The following PRRC1 variants were observed in gnomAD, a reference collection of about 807,000 sequenced individuals.
PRRC1 encodes protein PRRC1.
PRRC1 carries 39 observed loss-of-function variants against 40.7 expected under a neutral mutation model. That is an observed-to-expected ratio of 0.96 (90% CI 0.74 to 1.25). The LOEUF (loss-of-function observed/expected upper bound fraction) is 1.25. Ranked by LOEUF, PRRC1 falls within the 50% of genes most tolerant of loss-of-function variation. The pLI is 0.00. For synonymous variants in PRRC1, 175 were observed against 193.3 expected, an observed-to-expected ratio of 0.91 and a Z score of 0.79; for missense variants, 573 against 548.3, an observed-to-expected ratio of 1.05 and a Z score of -0.45.
At chr5:127,548,037 C>A in intron 8 of PRRC1, 116 bp downstream of exon 8, 1 of 771,382 alleles carries the variant, frequency 1.3e-6, no homozygotes, top group South Asian at 1.5e-5. Flanking sequence ...TTGTTTCAGT[C>A]ATTTTTCTTT....
chr5:127,538,795 A>G (rs1267868485), intron 6 of PRRC1, among the ~76,000 whole-genome samples: 3 of 152,074 alleles, frequency 2.0e-5, no homozygotes, highest in Non-Finnish European at 2.9e-5. Flanking sequence ...AATAATCCAC[A>G]ATAGCAACCA....
chr5:127,538,176 T>A (rs1370888756), intron 6 of PRRC1, among the ~76,000 whole-genome samples: 1 of 152,072 alleles, frequency 6.6e-6, no homozygotes, highest in African/African-American at 2.4e-5. Flanking sequence ...TGTCACTTTC[T>A]CTTTTTCACT....
Position 127,552,480 on chromosome 5 carries a change from G to C in PRRC1, c.*564G>C, listed in dbSNP as rs1768420300. On this transcript the variant is annotated 3_prime_UTR_variant, in exon 9 of 9. Coordinates refer to ENST00000296666, the MANE Select transcript of PRRC1 (RefSeq NM_130809.5). ...TTCAGTAATATGGGCCAAAATAATG[G>C]AATTGATTATTTTCCTTTTTGGCCA... The C allele has an allele frequency of 1.0e-6, 1 of 986,312 alleles. No homozygotes were observed. Among genetic ancestry groups the C allele is most frequent in the Non-Finnish European group, 1.2e-6 (1 of 830,268 alleles). 61.1% of individuals were successfully genotyped at this position (986,312 alleles called of 1,614,324 possible). A position where few individuals can be genotyped will look rare whatever the true frequency, so the allele number is the denominator to read the frequency against.
intron 7 of PRRC1, among the ~76,000 whole-genome samples, chr5:127,542,758 C>G (rs1768085881): frequency 6.7e-6 from 1 of 149,806 alleles, no homozygotes; most frequent in Non-Finnish European, 1.5e-5. Context: ...TATTTTGAGC[C>G]TATGTGTGTC....
chr5:127,530,269 T>C, intron 4 of PRRC1, 25 bp from the exon 5 acceptor site: 2 of 1,596,674 alleles, frequency 1.3e-6, no homozygotes, highest in Non-Finnish European at 1.7e-6. Flanking sequence ...GAGTGAATAC[T>C]TACATATTGA....
chr5:127,518,368 CTTTG>C (rs1195470060), intron 1 of PRRC1, among the ~76,000 whole-genome samples: 3 of 152,214 alleles, frequency 2.0e-5, no homozygotes, highest in East Asian at 1.9e-4. Flanking sequence ...TCTCTCGTTT[CTTTG>C]TTTGGTCTTG....
intron 7 of PRRC1, among the ~76,000 whole-genome samples, chr5:127,542,287 C>T (rs1253212090): frequency 3.9e-5 from 6 of 152,090 alleles, no homozygotes; most frequent in Non-Finnish European, 5.9e-5. Context: ...GAGAGCTTTA[C>T]TTCCAAGTAT....
intron 6 of PRRC1, among the ~76,000 whole-genome samples, chr5:127,535,913 G>T (rs183701258): frequency 2.0e-5 from 3 of 150,206 alleles, no homozygotes; most frequent in Admixed American, 2.0e-4. Context: ...TCTTTGAGTT[G>T]TATTTAGTAC....
chr5:127,552,861 G>A lies in PRRC1; in HGVS notation c.*945G>A, dbSNP rs934111019. The A allele has an allele frequency of 5.1e-6, 5 of 981,368 alleles. No homozygotes were observed. The African/African-American group carries it at 8.8e-5, about 17-fold the overall frequency. 60.8% of individuals were successfully genotyped at this position (981,368 alleles called of 1,614,324 possible). On this transcript the variant is annotated 3_prime_UTR_variant, in exon 9 of 9. Coordinates refer to ENST00000296666, the MANE Select transcript of PRRC1 (RefSeq NM_130809.5). Reference sequence around the variant, plus strand: ...AGGTTACTTATTTGGTTTGCCTTAAGCATTACTTTTTTAACTTTGTGCCAT... The same window carrying A: ...AGGTTACTTATTTGGTTTGCCTTAAACATTACTTTTTTAACTTTGTGCCAT...
Position 127,553,897 on chromosome 5 carries a change from G to A in PRRC1, c.*1981G>A, listed in dbSNP as rs147931114. Reference sequence around the variant, plus strand: ...TGGTGACCTGGTAAGCCTCCTGCTCGGAACCGTGTGAGTGGGTGAGGAAGA... The same window carrying A: ...TGGTGACCTGGTAAGCCTCCTGCTCAGAACCGTGTGAGTGGGTGAGGAAGA... On this transcript the variant is annotated 3_prime_UTR_variant, in exon 9 of 9. Transcript: ENST00000296666. The A allele has an allele frequency of 1.3e-3, 2,008 of 1,535,390 alleles. 24 individuals carry two copies. The African/African-American group carries it at 0.023, about 17-fold the overall frequency.
At position 127,554,559 on chromosome 5, in the gene PRRC1, T is replaced by C. The variant is rs1057478688; in HGVS notation, c.*2643T>C. ...AGATTATTCAATTCGGGATCCTCCT[T>C]TTGTTAGGTTTTTGAGACAACCCTA... is the stretch of plus-strand genomic sequence containing the variant. On this transcript the variant is annotated 3_prime_UTR_variant, in exon 9 of 9. Transcript: ENST00000296666. The C allele has an allele frequency of 1.3e-5, 2 of 152,206 alleles. No individual in the cohort carries two copies. Among genetic ancestry groups the C allele is most frequent in the African/African-American group, 2.4e-5 (1 of 41,448 alleles). The allele number at this position is 152,206 out of a possible 1,614,324, so 9.4% of individuals were successfully genotyped here.
chr5:127,547,999 T>A, intron 8 of PRRC1, 78 bp downstream of exon 8: 1 of 966,290 alleles, frequency 1.0e-6, no homozygotes, highest in Non-Finnish European at 1.7e-6. Context: ...ATTTGTTCGG[T>A]TTTTTTGTTA....
Position 127,551,885 on chromosome 5 carries a change from A to G in PRRC1, c.1307A>G (p.Tyr436Cys). 1 of 1,614,102 alleles carries G rather than the reference A, an allele frequency of 6.2e-7. No homozygotes were observed. The highest frequency in any genetic ancestry group is 8.5e-7 in the Non-Finnish European group (1 of 1,179,984). ...YSAARAIAGM[Y>C]KQRLPPRTV ...GCAGCCAGAGCGATAGCGGGCATGT[A>G]TAAACAGCGCCTGCCACCCAGGACA... The change falls in exon 9 of 9, where the codon TAT becomes TGT. Residue 436 changes from tyrosine to cysteine, a missense_variant. Physicochemically the swap from Tyr to Cys is radical, Grantham distance 194 (BLOSUM62 -2). Coordinates refer to ENST00000296666, the MANE Select transcript of PRRC1 (RefSeq NM_130809.5).
Position 127,546,431 on chromosome 5 carries a change from T to C in PRRC1, c.1026-1388T>C, listed in dbSNP as rs145298939. Among the ~76,000 whole-genome samples the C allele has an allele frequency of 1.2e-4, 19 of 152,326 alleles. 1 individual carries two copies. In the East Asian group the frequency reaches 3.5e-3, roughly 28 times the overall value. On this transcript the variant is annotated intron_variant, in intron 7 of 8. Transcript: ENST00000296666. Reference sequence around the variant, plus strand: ...CCTTTTTCCTTTTGGTTTGAATATATGGTGCTGTCTCTCTGAATGCATAGT... The same window carrying C: ...CCTTTTTCCTTTTGGTTTGAATATACGGTGCTGTCTCTCTGAATGCATAGT...
rs113515718 is a variant in PRRC1 at position 127,531,863 on chromosome 5, C to T, written c.757+1467C>T. 9.5e-3 allele frequency among the ~76,000 whole-genome samples: 1,436 copies of T among 151,492 alleles called. 23 individuals are homozygous for T. Among genetic ancestry groups the T allele is most frequent in the African/African-American group, 0.033 (1,366 of 41,264 alleles). On this transcript the variant is annotated intron_variant, in intron 5 of 8. Transcript: ENST00000296666. ...GCATTTTTCTACAAAGAAACAAGCT[C>T]AGTGACTTCCACAAGGTAAAGAAGC... is the stretch of plus-strand genomic sequence containing the variant.
At chr5:127,537,132 T>C (rs181099901) in intron 6 of PRRC1, among the ~76,000 whole-genome samples, 68 of 151,988 alleles carry the variant, frequency 4.5e-4, no homozygotes, top group African/African-American at 1.6e-3. Flanking sequence ...TAGTTATGAC[T>C]ACTGTTTTAT....
At position 127,519,449 on chromosome 5, in the gene PRRC1, A is replaced by G. The variant is rs959849819; in HGVS notation, c.-21+1673A>G. On this transcript the variant is annotated intron_variant, in intron 1 of 8. Transcript: ENST00000296666. ...AATCTTTCTCCACTCTTTATATGAA[A>G]ACCGTTCTCCCTAAATTCATCTCCA... Among the ~76,000 whole-genome samples, 23 of 152,108 alleles carry G rather than the reference A, an allele frequency of 1.5e-4. 1 individual carries two copies. Among genetic ancestry groups the G allele is most frequent in the Non-Finnish European group, 2.9e-5 (2 of 68,022 alleles).
At chr5:127,528,740 G>A (rs1037542222) in intron 4 of PRRC1, among the ~76,000 whole-genome samples, 6 of 151,968 alleles carry the variant, frequency 3.9e-5, no homozygotes, top group African/African-American at 1.5e-4. Flanking sequence ...GACACTTAGC[G>A]TTTAATATAG....
intron 8 of PRRC1, chr5:127,550,410 A>T (rs1278373008): frequency 2.6e-5 from 4 of 152,164 alleles, no homozygotes; most frequent in Non-Finnish European, 5.9e-5. Context: ...GGTAATTAGA[A>T]TTATCAGTAT....
Sources: gnomAD v4.1 joint callset for allele counts (sites outside exome capture counted in the v4.1 genomes callset) on GRCh38, gnomAD v4.1.1 for gene constraint, MANE v1.5 for transcripts, NCBI Gene and HGNC (gene_info 2026-07-23, HGNC 2026-07-21) for gene names.